The following CCDC126 variants were observed in gnomAD, a reference collection of about 807,000 sequenced individuals.
CCDC126 encodes the protein coiled-coil domain containing 126, also known as coiled-coil domain-containing protein 126.
Under a neutral mutation model 11.7 loss-of-function variants are expected in CCDC126, and 5 were observed. The ratio of observed to expected loss-of-function variants is 0.43; its 90% CI spans 0.22 to 0.90. CCDC126 has a LOEUF of 0.90. Among genes scored for constraint, CCDC126 ranks in the 40% least tolerant of loss-of-function variants. The probability of loss-of-function intolerance (pLI) is 0.27; values close to 1 mark genes in which losing one functional copy is unlikely to be tolerated. For missense variants in CCDC126, 150 were observed against 163.1 expected (o/e 0.92, Z 0.44); for synonymous variants, 60 against 61.9 (o/e 0.97, Z 0.14).
chr7:23,625,240 T>A (rs1250657267), intron 3 of CCDC126, among the ~76,000 whole-genome samples: 2 of 152,212 alleles, frequency 1.3e-5, no homozygotes, highest in African/African-American at 4.8e-5. Flanking sequence ...TGCTGTGGTG[T>A]ATTTGTGTGT....
intron 3 of CCDC126, among the ~76,000 whole-genome samples, chr7:23,617,369 AAAAAAG>A (rs1782813103): frequency 2.0e-5 from 3 of 151,586 alleles, no homozygotes; most frequent in East Asian, 3.9e-4. Flanking sequence ...AAAAAAAAAA[AAAAAAG>A]AAAAGGAAAA....
At chr7:23,602,522 T>G (rs1159151557) in intron 2 of CCDC126, among the ~76,000 whole-genome samples, 1 of 152,238 alleles carries the variant, frequency 6.6e-6, no homozygotes, top group Non-Finnish European at 1.5e-5. Context: ...GTGGGTTTCC[T>G]TCTGTTCAGT....
At chr7:23,615,359 AG>A (rs1263752038) in intron 3 of CCDC126, among the ~76,000 whole-genome samples, 1 of 152,240 alleles carries the variant, frequency 6.6e-6, no homozygotes, top group African/African-American at 2.4e-5. Flanking sequence ...GCTCTGGATT[AG>A]GCTTTGGCTT....
At chr7:23,612,145 CA>C (rs68133290) in intron 3 of CCDC126, among the ~76,000 whole-genome samples, 5,408 of 55,404 alleles carry the variant, frequency 0.098, 227 homozygotes, top group African/African-American at 0.24. Context: ...GACTCCGTCT[CA>C]AAAAAAAAAA....
At chr7:23,638,332 G>T (rs1489034922) in intron 3 of CCDC126, among the ~76,000 whole-genome samples, 4 of 137,972 alleles carry the variant, frequency 2.9e-5, no homozygotes, top group Non-Finnish European at 4.7e-5. Context: ...TGTGTGGATA[G>T]AAGTGGGCAT....
intron 3 of CCDC126, among the ~76,000 whole-genome samples, chr7:23,630,361 T>C (rs1470164236): frequency 1.3e-5 from 2 of 151,978 alleles, no homozygotes; most frequent in African/African-American, 4.8e-5. Flanking sequence ...TAGCTGCTTG[T>C]GGTTGTGCAC....
chr7:23,600,904 C>G (rs1298029225), intron 2 of CCDC126, among the ~76,000 whole-genome samples: 1 of 152,048 alleles, frequency 6.6e-6, no homozygotes, highest in Admixed American at 6.5e-5. Flanking sequence ...AGTAAGAGAT[C>G]TTTTTATAGC....
chr7:23,637,288 C>T (rs1328230248), intron 3 of CCDC126, among the ~76,000 whole-genome samples: 626 of 16,560 alleles, frequency 0.038, 172 homozygotes, highest in African/African-American at 0.19. Flanking sequence ...CCAGCCGCCC[C>T]GTCCGGGAGG....
chr7:23,604,097 G>A (rs1175677086), intron 2 of CCDC126: 1 of 152,190 alleles, frequency 6.6e-6, no homozygotes, highest in Non-Finnish European at 1.5e-5. Flanking sequence ...CTACTTGGAA[G>A]ATGAACTGTT....
chr7:23,628,213 T>C (rs374452372), intron 3 of CCDC126, among the ~76,000 whole-genome samples: 2 of 152,150 alleles, frequency 1.3e-5, no homozygotes, highest in Non-Finnish European at 2.9e-5. Flanking sequence ...CCCTGTTCTT[T>C]CCATCCAAAT....
intron 3 of CCDC126, among the ~76,000 whole-genome samples, chr7:23,640,235 T>A (rs184355992): frequency 1.3e-5 from 2 of 148,230 alleles, no homozygotes; most frequent in South Asian, 4.3e-4. Context: ...TGGTGGCTTA[T>A]GTCTGTAATC....
intron 2 of CCDC126, among the ~76,000 whole-genome samples, chr7:23,610,438 T>C (rs961928300): frequency 3.9e-5 from 6 of 152,182 alleles, no homozygotes; most frequent in Admixed American, 3.3e-4. Flanking sequence ...GGTCTCAAAC[T>C]CCTGGGCTCT....
intron 3 of CCDC126, among the ~76,000 whole-genome samples, chr7:23,611,754 T>C (rs1328542689): frequency 6.6e-6 from 1 of 152,226 alleles, no homozygotes. Context: ...TAACAGTTAT[T>C]AACATTTGGC....
At chr7:23,621,392 G>T (rs1389133333) in intron 3 of CCDC126, among the ~76,000 whole-genome samples, 1 of 152,154 alleles carries the variant, frequency 6.6e-6, no homozygotes, top group Admixed American at 6.5e-5. Flanking sequence ...TGTGTTATTG[G>T]TGTATAAGAA....
chr7:23,642,711 C>T (rs532335656), intron 3 of CCDC126, among the ~76,000 whole-genome samples: 9 of 150,882 alleles, frequency 6.0e-5, no homozygotes, highest in Admixed American at 5.9e-4. Context: ...TGCAGCGAGC[C>T]GAGATCATGC....
intron 3 of CCDC126, among the ~76,000 whole-genome samples, chr7:23,640,401 G>A (rs1046672725): frequency 1.3e-5 from 2 of 151,954 alleles, no homozygotes; most frequent in South Asian, 2.1e-4. Flanking sequence ...GGAGACTGAC[G>A]CAGGCGAATC....
intron 3 of CCDC126, among the ~76,000 whole-genome samples, chr7:23,627,198 A>C (rs1010237069): frequency 1.3e-5 from 2 of 152,114 alleles, no homozygotes; most frequent in Admixed American, 1.3e-4. Flanking sequence ...CCTCTTTATC[A>C]GTGTAGCTGA....
intron 3 of CCDC126, among the ~76,000 whole-genome samples, chr7:23,640,633 A>C (rs1783337958): frequency 6.6e-6 from 1 of 152,152 alleles, no homozygotes; most frequent in Admixed American, 6.6e-5. Flanking sequence ...TTGAGCAGTA[A>C]ATCTTTATTC....
At chr7:23,618,003 A>C (rs941788679) in intron 3 of CCDC126, among the ~76,000 whole-genome samples, 1 of 152,156 alleles carries the variant, frequency 6.6e-6, no homozygotes, top group Non-Finnish European at 1.5e-5. Context: ...TTTAGTGTAG[A>C]AGAAGGATAG....
Sources: gnomAD v4.1 joint callset for allele counts (sites outside exome capture counted in the v4.1 genomes callset) on GRCh38, gnomAD v4.1.1 for gene constraint, MANE v1.5 for transcripts, NCBI Gene and HGNC (gene_info 2026-07-23, HGNC 2026-07-21) for gene names.